Variants in CFAP299 observed in about 807,000 individuals in gnomAD.
CFAP299 encodes the protein cilia and flagella associated protein 299.
A neutral mutation model predicts 27.0 loss-of-function variants in CFAP299; 21 were observed. The observed-to-expected ratio is 0.78, with a 90% CI of 0.55 to 1.12. The LOEUF (loss-of-function observed/expected upper bound fraction) is 1.12. CFAP299 is among the 50% of genes most tolerant of loss of function. The pLI is 0.00. For missense variants in CFAP299, 310 were observed against 276.6 expected (o/e 1.12, Z -0.86); for synonymous variants, 104 against 98.1 (o/e 1.06, Z -0.36).
chr4:80,487,803 C>G (rs1278309876), intron 2 of CFAP299, among the ~76,000 whole-genome samples: 2 of 152,150 alleles, frequency 1.3e-5, no homozygotes, highest in Non-Finnish European at 1.5e-5. Flanking sequence ...CTTACATTAA[C>G]AGAAGGGAGA....
intron 3 of CFAP299, among the ~76,000 whole-genome samples, chr4:80,736,413 A>T (rs1054362327): frequency 6.6e-6 from 1 of 152,124 alleles, no homozygotes; most frequent in Non-Finnish European, 1.5e-5. Context: ...CAACCTACTC[A>T]TCTGACAAAG....
chr4:80,714,496 A>G (rs559794181), intron 3 of CFAP299, among the ~76,000 whole-genome samples: 130 of 152,186 alleles, frequency 8.5e-4, no homozygotes, highest in African/African-American at 3.1e-3. Flanking sequence ...ATCTGATTTT[A>G]TCCATTATAG....
intron 3 of CFAP299, among the ~76,000 whole-genome samples, chr4:80,845,384 T>C (rs1411402349): frequency 1.3e-5 from 2 of 152,108 alleles, no homozygotes; most frequent in Non-Finnish European, 2.9e-5. Flanking sequence ...TTTATTGCAT[T>C]TAAGTTAAAT....
At chr4:80,436,459 C>T (rs529464803) in intron 2 of CFAP299, among the ~76,000 whole-genome samples, 61 of 152,122 alleles carry the variant, frequency 4.0e-4, no homozygotes, top group South Asian at 2.3e-3. Context: ...TCACCATGCC[C>T]GGCTAATTTT....
chr4:80,955,116 C>T (rs1188233441), intron 5 of CFAP299, among the ~76,000 whole-genome samples: 7 of 148,110 alleles, frequency 4.7e-5, no homozygotes, highest in African/African-American at 1.5e-4. Flanking sequence ...ATAAATCCCA[C>T]TTGAGAATTC....
intron 2 of CFAP299, among the ~76,000 whole-genome samples, chr4:80,518,490 G>A (rs1051566889): frequency 1.2e-4 from 18 of 152,126 alleles, no homozygotes; most frequent in African/African-American, 4.3e-4. Context: ...TTGAATTAGG[G>A]CAAGAACATA....
intron 2 of CFAP299, among the ~76,000 whole-genome samples, chr4:80,423,776 T>C (rs943323804): frequency 6.6e-6 from 1 of 152,194 alleles, no homozygotes; most frequent in African/African-American, 2.4e-5. Flanking sequence ...ATGTTCATTA[T>C]GGGTGACTCA....
chr4:80,731,356 C>T (rs1298369661), intron 3 of CFAP299, among the ~76,000 whole-genome samples: 1 of 152,018 alleles, frequency 6.6e-6, no homozygotes, highest in Non-Finnish European at 1.5e-5. Flanking sequence ...TAAAAAATGC[C>T]CCTTGGCAAT....
At chr4:80,729,018 C>T (rs1194995763) in intron 3 of CFAP299, among the ~76,000 whole-genome samples, 1 of 152,108 alleles carries the variant, frequency 6.6e-6, no homozygotes, top group Non-Finnish European at 1.5e-5. Flanking sequence ...TCTCCTTTTC[C>T]CCTGTGAAGT....
intron 2 of CFAP299, among the ~76,000 whole-genome samples, chr4:80,389,799 T>C (rs979409744): frequency 6.6e-6 from 1 of 152,192 alleles, no homozygotes; most frequent in African/African-American, 2.4e-5. Context: ...AAGCATTTAC[T>C]ATTTACTTCT....
chr4:80,879,950 T>A (rs1439457970), intron 4 of CFAP299, among the ~76,000 whole-genome samples: 1 of 152,222 alleles, frequency 6.6e-6, no homozygotes, highest in Non-Finnish European at 1.5e-5. Context: ...GTCTTTACTA[T>A]CATTCATGCA....
chr4:80,526,658 C>T (rs1733194121), intron 2 of CFAP299, among the ~76,000 whole-genome samples: 1 of 151,916 alleles, frequency 6.6e-6, no homozygotes, highest in Non-Finnish European at 1.5e-5. Context: ...ACTTTTGTTA[C>T]TGTGTTATTT....
intron 4 of CFAP299, among the ~76,000 whole-genome samples, chr4:80,920,416 G>A (rs886814648): frequency 1.3e-5 from 2 of 152,106 alleles, no homozygotes; most frequent in Non-Finnish European, 2.9e-5. Context: ...ATACTTCACT[G>A]TACAAGGGGC....
At chr4:80,775,954 A>G (rs1429342323) in intron 3 of CFAP299, among the ~76,000 whole-genome samples, 1 of 152,168 alleles carries the variant, frequency 6.6e-6, no homozygotes. Flanking sequence ...GGCATTTTAT[A>G]AAAGAAATTG....
intron 3 of CFAP299, among the ~76,000 whole-genome samples, chr4:80,733,611 C>T (rs1723671322): frequency 6.6e-6 from 1 of 152,016 alleles, no homozygotes; most frequent in African/African-American, 2.4e-5. Context: ...CCATTCCCTG[C>T]CTCCCACTAC....
chr4:80,723,667 T>G (rs1411123343), intron 3 of CFAP299, among the ~76,000 whole-genome samples: 1 of 152,138 alleles, frequency 6.6e-6, no homozygotes, highest in East Asian at 1.9e-4. Context: ...TTTATTGTTG[T>G]GACAATTTTA....
At chr4:80,483,981 T>C (rs1020440760) in intron 2 of CFAP299, among the ~76,000 whole-genome samples, 12 of 152,188 alleles carry the variant, frequency 7.9e-5, no homozygotes, top group Non-Finnish European at 1.5e-4. Flanking sequence ...CATACTTGAA[T>C]GAATTCTTAA....
At chr4:80,388,570 A>G (rs993103735) in intron 2 of CFAP299, 4 of 1,422,698 alleles carry the variant, frequency 2.8e-6, no homozygotes, top group Non-Finnish European at 4.0e-6. Flanking sequence ...AGACATCCTC[A>G]TCATCCAATG....
chr4:80,954,266 TG>T (rs1260088796), intron 5 of CFAP299, among the ~76,000 whole-genome samples: 3 of 152,142 alleles, frequency 2.0e-5, no homozygotes, highest in African/African-American at 4.8e-5. Flanking sequence ...AAAAAGAGCA[TG>T]TTTTTTTCCT....
Sources: allele counts gnomAD v4.1 joint callset (sites outside exome capture counted in the v4.1 genomes callset), GRCh38; gene constraint gnomAD v4.1.1; transcripts MANE v1.5; gene names NCBI Gene and HGNC (gene_info 2026-07-23, HGNC 2026-07-21).